SALL2: variants seen among roughly 807,000 people sequenced by gnomAD.
SALL2 encodes spalt like transcription factor 2.
SALL2 carries 32 observed loss-of-function variants against 58.5 expected under a neutral mutation model. That is an observed-to-expected ratio of 0.55 (90% CI 0.41 to 0.74). The LOEUF (loss-of-function observed/expected upper bound fraction) is 0.74, where lower values mean the gene tolerates loss of function less well. SALL2 is among the 30% of genes least tolerant of loss of function. The pLI, the probability that SALL2 is intolerant of heterozygous loss-of-function variation, is 0.00. For synonymous variants in SALL2, 516 were observed against 513.6 expected (o/e 1.00, Z -0.06); for missense variants, 1,201 against 1,268.9 (o/e 0.95, Z 0.81).
chr14:21,523,508 A>G lies in SALL2; in HGVS notation c.2214T>C (p.Ser738=). ...GGAAACTCCGTGCCCCGGAGACTGTAGATTGCTCGGAGCCATTCTCCTGAG... is the reference window on the plus strand; with the variant it reads ...GGAAACTCCGTGCCCCGGAGACTGTGGATTGCTCGGAGCCATTCTCCTGAG... ...GAAQENGSEQ[S]TVSGARSFPQ... The change falls in exon 2 of 2, where the codon TCT becomes TCC. Residue 738 remains serine (S), a synonymous_variant. Transcript: ENST00000537235. The surrounding 1 kb of genome is among the most constrained non-coding windows in gnomAD (Gnocchi z 4.4). 6.2e-7 allele frequency: 1 copy of G among 1,614,184 alleles called. No individual in the cohort carries two copies. Among genetic ancestry groups the G allele is most frequent in the South Asian group, 1.1e-5 (1 of 91,084 alleles).
chr14:21,521,874 G>T lies in SALL2; in HGVS notation c.*830C>A. ...CTTTACCTTAATGTGACCATCAGGG[G>T]ATTTACTGGGAAAATTTTCCTATGC... On this transcript the variant is annotated 3_prime_UTR_variant, in exon 2 of 2. Transcript: ENST00000537235. 1.8e-6 allele frequency: 2 copies of T among 1,087,696 alleles called. No homozygotes were observed. Among genetic ancestry groups the T allele is most frequent in the Non-Finnish European group, 2.6e-6 (2 of 776,808 alleles). The allele number at this position is 1,087,696 out of a possible 1,614,324, so 67.4% of individuals were successfully genotyped here.
chr14:21,533,635 A>G (rs1043299638), intron 1 of SALL2, among the ~76,000 whole-genome samples: 2 of 151,708 alleles, frequency 1.3e-5, no homozygotes, highest in Non-Finnish European at 2.9e-5. Context: ...TTAAGTGAAT[A>G]GAGTATTTCC....
chr14:21,536,725 A>T (rs1460208495), intron 1 of SALL2: 2 of 684,224 alleles, frequency 2.9e-6, no homozygotes, highest in African/African-American at 3.6e-5. Context: ...CAACTCCTTC[A>T]AACCCCCAGT....
At position 21,524,735 on chromosome 14, in the gene SALL2, C is replaced by G. The variant is rs1892207106; in HGVS notation, c.987G>C (p.Gln329His). The G allele has an allele frequency of 4.3e-6, 7 of 1,611,796 alleles. No individual in the cohort carries two copies. Among genetic ancestry groups the G allele is most frequent in the South Asian group, 2.2e-5 (2 of 90,610 alleles). Residue 329 changes from glutamine (Q) to histidine (H), a missense_variant, in exon 2 of 2, where the codon CAG (glutamine) becomes CAC (histidine). By Grantham distance (24) the Gln-to-His change is conservative. Around this residue, in one of 3 missense-constraint regions of SALL2, gnomAD observed 467 missense variants for 468.9 expected, o/e 1.00. Coordinates refer to ENST00000537235, the MANE Select transcript of SALL2 (RefSeq NM_001364564.1). ...FPSTTGLLAA[Q>H]CLGAARGLEA... ...CAAGGCCTCGGGCTGCCCCAAGACA[C>G]TGTGCTGCCAGTAGTCCCGTGGTGC... is the stretch of plus-strand genomic sequence containing the variant.
Position 21,525,505 on chromosome 14 carries a change from A to C in SALL2, c.217T>G (p.Ser73Ala), listed in dbSNP as rs772497183. ...GGCCGGGGTTCAGAGGAGGCCGAAG[A>C]GTTGTTGGGGTTCTCCTGGCCCCCA... ...IIGGQENPNNSSASSEPRPEG... is the reference protein window; with the variant it reads ...IIGGQENPNNASASSEPRPEG... The change falls in exon 2 of 2, where the codon TCT becomes GCT. Residue 73 changes from serine (S) to alanine (A), a missense_variant. By Grantham distance (99) the Ser-to-Ala change is moderately conservative. Around this residue, in one of 3 missense-constraint regions of SALL2, gnomAD observed 467 missense variants for 468.9 expected, o/e 1.00. Coordinates refer to ENST00000537235, the MANE Select transcript of SALL2 (RefSeq NM_001364564.1). The surrounding 1 kb of genome is among the most constrained non-coding windows in gnomAD (Gnocchi z 4.4). 6.2e-7 allele frequency: 1 copy of C among 1,613,760 alleles called. No homozygotes were observed. Among genetic ancestry groups the C allele is most frequent in the Middle Eastern group, 1.7e-4 (1 of 6,058 alleles).
At chr14:21,531,149 G>C (rs1021979301), upstream of SALL2, among the ~76,000 whole-genome samples, 2 of 152,216 alleles carry the variant, frequency 1.3e-5, no homozygotes, top group Non-Finnish European at 2.9e-5. Flanking sequence ...CTGGTGCTAA[G>C]TGAGAAAAAG....
In SALL2 at chr14:21,522,374, G is replaced by A. The variant is rs1892072292; in HGVS notation, c.*330C>T. 1 of 1,435,510 alleles carries A rather than the reference G, an allele frequency of 7.0e-7. No individual in the cohort carries two copies. The allele number at this position is 1,435,510 out of a possible 1,614,324, so 88.9% of individuals were successfully genotyped here. On this transcript the variant is annotated 3_prime_UTR_variant, in exon 2 of 2. Transcript: ENST00000537235. Reference sequence around the variant, plus strand: ...TGCAATGCCAAATGTAGGTGCTCAGGTGCACCTACCAAAGGGAAAGGGAGA... The same window carrying A: ...TGCAATGCCAAATGTAGGTGCTCAGATGCACCTACCAAAGGGAAAGGGAGA...
At position 21,526,105 on chromosome 14, in the gene SALL2, C is replaced by T. The variant is rs368866833; in HGVS notation, c.23G>A (p.Ser8Asn). 641 of 1,539,574 alleles carry T rather than the reference C, an allele frequency of 4.2e-4. 2 individuals are homozygous for T. The African/African-American group carries it at 7.6e-3, about 18-fold the overall frequency. Residue 8 changes from serine (S) to asparagine (N), a missense_variant, in exon 1 of 2, where the codon AGC becomes AAC. This residue lies in a region of SALL2 where 467 missense variants were observed against 468.9 expected (regional missense o/e 1.00). Coordinates refer to ENST00000537235, the MANE Select transcript of SALL2 (RefSeq NM_001364564.1). Reference protein sequence around the residue: MAHESERSSRLGVPCGEP... With the variant: MAHESERNSRLGVPCGEP... The stretch of plus-strand genomic sequence containing the variant: ...CCCGCAGGGCACCCCGAGACGAGAG[C>T]TCCTCTCGGATTCGTGCGCCATGGT...
At chr14:21,527,330 A>C (rs1892348934), upstream of SALL2, among the ~76,000 whole-genome samples, 1 of 152,248 alleles carries the variant, frequency 6.6e-6, no homozygotes, top group South Asian at 2.1e-4. Flanking sequence ...TCACAGAGGC[A>C]GCCTCCTATT....
At chr14:21,526,484 G>A, upstream of SALL2, 2 of 1,257,462 alleles carry the variant, frequency 1.6e-6, no homozygotes, top group African/African-American at 1.5e-5. Flanking sequence ...TTCCGGAGGC[G>A]CAGTGACAGG....
chr14:21,528,008 T>TAC (rs111998506), upstream of SALL2, among the ~76,000 whole-genome samples: 4,963 of 151,916 alleles, frequency 0.033, 293 homozygotes, highest in African/African-American at 0.11. Context: ...GGCATGATGG[T>TAC]ACACCTTTAA....
Position 21,522,032 on chromosome 14 carries a change from C to T in SALL2, c.*672G>A, listed in dbSNP as rs1404731424. 1.9e-6 allele frequency: 3 copies of T among 1,594,502 alleles called. No homozygotes were observed. In the African/African-American group the frequency reaches 4.0e-5, roughly 21 times the overall value. On this transcript the variant is annotated 3_prime_UTR_variant, in exon 2 of 2. Transcript: ENST00000537235. ...GCTACTTCTTGTCTATGATGGGCTT[C>T]TCAGGCACTGCCTTGGGTGCAGGAG...
rs966940324 is a variant in SALL2 at position 21,522,738 on chromosome 14, G to T, written c.2984C>A (p.Pro995His). The T allele has an allele frequency of 2.0e-6, 3 of 1,535,814 alleles. No homozygotes were observed. The highest frequency in any genetic ancestry group is 1.4e-5 in the African/African-American group (1 of 72,122). ...CGTGGGGTCATCTTTTCGGGGAAAGGGGGAGAGCCCTGTGGAGGTGATGGA... is the reference window on the plus strand; with the variant it reads ...CGTGGGGTCATCTTTTCGGGGAAAGTGGGAGAGCCCTGTGGAGGTGATGGA... ...SPSITSTGLS[P>H]FPRKDDPTIP Residue 995 changes from proline (P) to histidine (H), a missense_variant, in exon 2 of 2, where the codon CCC becomes CAC. By Grantham distance (77) the Pro-to-His change is moderately conservative. Coordinates refer to ENST00000537235, the MANE Select transcript of SALL2 (RefSeq NM_001364564.1).
Position 21,522,826 on chromosome 14 carries a change from G to A in SALL2, c.2896C>T (p.Pro966Ser). Reference protein sequence around the residue: ...HMLLAHHQVQPFAPHGPQNIA... With the variant: ...HMLLAHHQVQSFAPHGPQNIA... Reference sequence around the variant, plus strand: ...TTCTGAGGGCCATGGGGGGCAAAGGGCTGTACCTGGTGGTGTGCCAGGAGC... The same window carrying A: ...TTCTGAGGGCCATGGGGGGCAAAGGACTGTACCTGGTGGTGTGCCAGGAGC... Residue 966 changes from proline (P) to serine (S), a missense_variant, in exon 2 of 2, where the codon CCC becomes TCC. Pro to Ser is a moderately conservative substitution (Grantham distance 74, BLOSUM62 -1). Transcript: ENST00000537235. 6.2e-7 allele frequency: 1 copy of A among 1,609,782 alleles called. No individual in the cohort carries two copies. Among genetic ancestry groups the A allele is most frequent in the Non-Finnish European group, 8.5e-7 (1 of 1,178,270 alleles).
In SALL2 at chr14:21,524,965, CCAGT is replaced by C. The variant is rs1892225097; in HGVS notation, c.753_756del (p.Leu252HisfsTer59). On this transcript the variant is annotated frameshift_variant, in exon 2 of 2. Transcript: ENST00000537235. LOFTEE classifies it high-confidence loss of function. ...GAAGAGGAGGAGGAGGAGGAAGATG[CCAGT>C]GTCTTGCTGGTTTGGACAGGCTTGA... 6.2e-7 allele frequency: 1 copy of C among 1,613,818 alleles called. No homozygotes were observed. The highest frequency in any genetic ancestry group is 1.3e-5 in the African/African-American group (1 of 74,908).
Position 21,523,432 on chromosome 14 carries a change from C to T in SALL2, c.2290G>A (p.Glu764Lys), listed in dbSNP as rs545255339. The change falls in exon 2 of 2, where the codon GAG becomes AAG. Residue 764 changes from glutamate to lysine, a missense_variant. Physicochemically the swap from Glu to Lys is moderately conservative, Grantham distance 56 (BLOSUM62 1). Coordinates refer to ENST00000537235, the MANE Select transcript of SALL2 (RefSeq NM_001364564.1). The surrounding 1 kb of genome is among the most constrained non-coding windows in gnomAD (Gnocchi z 4.4). The stretch of plus-strand genomic sequence containing the variant: ...TCTTCTTCCTCATCCTCCTCTTCCT[C>T]CTCCTCAGACAACTCCTCTTCCGGT... ...PSPEEELSEE[E>K]EEEDEEEEED... is the part of the protein sequence containing the mutation. The T allele has an allele frequency of 6.2e-7, 1 of 1,613,952 alleles. No homozygotes were observed. Among genetic ancestry groups the T allele is most frequent in the African/African-American group, 1.3e-5 (1 of 75,052 alleles).
At position 21,525,525 on chromosome 14, in the gene SALL2, C is replaced by T. The variant is rs1382744151; in HGVS notation, c.197G>A (p.Gly66Asp). The change falls in exon 2 of 2, where the codon GGC (glycine) becomes GAC (aspartate). Residue 66 changes from glycine to aspartate, a missense_variant. Transcript: ENST00000537235. This position sits in a 1 kb window ranked among gnomAD's most constrained non-coding sequence, Gnocchi z 4.4. The part of the protein sequence containing the change: ...TDPPVMVIIG[G>D]QENPNNSSAS... ...CGAAGAGTTGTTGGGGTTCTCCTGG[C>T]CCCCAATTATCACCATTACAGGAGG... The T allele has an allele frequency of 2.5e-6, 4 of 1,613,840 alleles. No individual in the cohort carries two copies. In the South Asian group the frequency reaches 3.3e-5, roughly 13 times the overall value.
rs746964041 is a variant in SALL2 at position 21,523,168 on chromosome 14, G to C, written c.2554C>G (p.Gln852Glu). 3 of 1,614,140 alleles carry C rather than the reference G, an allele frequency of 1.9e-6. No individual in the cohort carries two copies. Among genetic ancestry groups the C allele is most frequent in the Non-Finnish European group, 2.5e-6 (3 of 1,180,036 alleles). ...DSLDQPQPME[Q>E]GSSGVLGGKE... ...CCTCCTAAAACACCACTGCTTCCCT[G>C]CTCCATTGGCTGAGGCTGATCCAGG... is the stretch of plus-strand genomic sequence containing the variant. The change falls in exon 2 of 2, where the codon CAG becomes GAG. Residue 852 changes from glutamine to glutamate, a missense_variant. Physicochemically the swap from Gln to Glu is conservative, Grantham distance 29. Coordinates refer to ENST00000537235, the MANE Select transcript of SALL2 (RefSeq NM_001364564.1). The surrounding 1 kb of genome is among the most constrained non-coding windows in gnomAD (Gnocchi z 4.4).
In SALL2 at chr14:21,525,970, T is replaced by C. The variant is rs1594464184; in HGVS notation, c.67+91A>G. 3.4e-6 allele frequency: 4 copies of C among 1,190,852 alleles called. No individual in the cohort carries two copies. Among genetic ancestry groups the C allele is most frequent in the Admixed American group, 2.0e-5 (1 of 50,206 alleles). The allele number at this position is 1,190,852 out of a possible 1,614,324, so 73.8% of individuals were successfully genotyped here. A position where few individuals can be genotyped will look rare whatever the true frequency, so the allele number is the denominator to read the frequency against. On this transcript the variant is annotated intron_variant, in intron 1 of 1. Coordinates refer to ENST00000537235, the MANE Select transcript of SALL2 (RefSeq NM_001364564.1). The surrounding 1 kb of genome is among the most constrained non-coding windows in gnomAD (Gnocchi z 4.4). ...GGACAGGGGCCTACGCAGAGAATCA[T>C]GCATTTTCTCCCACCCACCGAAAGT...
Sources: allele counts gnomAD v4.1 joint callset (sites outside exome capture counted in the v4.1 genomes callset), GRCh38; gene constraint gnomAD v4.1.1; regional missense constraint gnomAD v4.1.1; non-coding constraint Gnocchi (gnomAD v3.1); transcripts MANE v1.5; gene names NCBI Gene and HGNC (gene_info 2026-07-23, HGNC 2026-07-21).